XRN2: variants seen among roughly 807,000 people sequenced by gnomAD.
XRN2 encodes the protein 5'-3' exoribonuclease 2.
Under a neutral mutation model 138.5 loss-of-function variants are expected in XRN2, and 44 were observed. The observed-to-expected ratio is 0.32, with a 90% CI of 0.25 to 0.41. The LOEUF (loss-of-function observed/expected upper bound fraction) is 0.41, where lower values mean the gene tolerates loss of function less well. Ranked by LOEUF, XRN2 falls within the 10% of genes least tolerant of loss-of-function variation. The pLI is 1.00. For synonymous variants in XRN2, 354 were observed against 369.4 expected, an observed-to-expected ratio of 0.96 and a Z score of 0.48; for missense variants, 937 against 1,169.3, an observed-to-expected ratio of 0.80 and a Z score of 2.90.
In XRN2 at chr20:21,386,162, C is replaced by T. The variant is rs192669682; in HGVS notation, c.2649-706C>T. 1.8e-3 allele frequency among the ~76,000 whole-genome samples: 272 copies of T among 152,250 alleles called. 1 individual carries two copies. Among genetic ancestry groups the T allele is most frequent in the African/African-American group, 6.3e-3 (263 of 41,552 alleles). ...TTGAAGACAATTAAAACATTTCTTT[C>T]GACTAGTAATCTGCGACAGCAAACT... On this transcript the variant is annotated intron_variant, in intron 28 of 29. Coordinates refer to ENST00000377191, the MANE Select transcript of XRN2 (RefSeq NM_012255.5).
intron 24 of XRN2, among the ~76,000 whole-genome samples, chr20:21,361,022 A>G (rs887026889): frequency 1.3e-5 from 2 of 152,204 alleles, no homozygotes; most frequent in Admixed American, 6.5e-5. Context: ...GAAACTTGAT[A>G]TTTGGAGTTT....
At chr20:21,356,905 T>C (rs768462681) in intron 23 of XRN2, among the ~76,000 whole-genome samples, 10 of 152,192 alleles carry the variant, frequency 6.6e-5, no homozygotes, top group Non-Finnish European at 1.2e-4. Context: ...TAAAACTCTT[T>C]TCATAATGAT....
At chr20:21,350,182 G>C (rs2038487717) in intron 20 of XRN2, among the ~76,000 whole-genome samples, 1 of 152,118 alleles carries the variant, frequency 6.6e-6, no homozygotes, top group Admixed American at 6.6e-5. Context: ...ACTTTAAGGT[G>C]TGTTTACCAC....
In XRN2 at chr20:21,303,445, C is replaced by G; in HGVS notation, c.47C>G (p.Ser16Cys). 6.5e-7 allele frequency: 1 copy of G among 1,548,020 alleles called. No individual in the cohort carries two copies. Among genetic ancestry groups the G allele is most frequent in the Non-Finnish European group, 8.7e-7 (1 of 1,145,958 alleles). Residue 16 changes from serine to cysteine, a missense_variant, in exon 1 of 30, where the codon TCC becomes TGC. Physicochemically the swap from Ser to Cys is moderately radical, Grantham distance 112. Around this residue, in one of 6 missense-constraint regions of XRN2, gnomAD observed 32 missense variants for 32.9 expected, o/e 0.97. Transcript: ENST00000377191. ...CGCTGGCTCAGCCGCAAGTACCCGT[C>G]CATCATAGTCAACTGCGTGGAAGAG... ...FFRWLSRKYP[S>C]IIVNCVEEKP...
At chr20:21,342,981 CATT>C (rs1175462210) in intron 15 of XRN2, among the ~76,000 whole-genome samples, 1 of 151,870 alleles carries the variant, frequency 6.6e-6, no homozygotes, top group African/African-American at 2.4e-5. Flanking sequence ...ATAACATTGA[CATT>C]ATGTTTTTAA....
chr20:21,331,874 G>T, intron 8 of XRN2, 56 bp downstream of exon 8: 8 of 1,585,136 alleles, frequency 5.0e-6, no homozygotes, highest in Non-Finnish European at 6.9e-6. Context: ...CAAGTTGATG[G>T]GTTGGTGTGC....
At chr20:21,331,460 G>A (rs773488743) in intron 6 of XRN2, 101 bp from the exon 7 acceptor site, 54 of 962,586 alleles carry the variant, frequency 5.6e-5, no homozygotes, top group Admixed American at 2.2e-4. Flanking sequence ...AAATTTTCCC[G>A]TAACACTTAT....
intron 29 of XRN2, among the ~76,000 whole-genome samples, chr20:21,387,216 A>C (rs568061084): frequency 6.6e-6 from 1 of 152,292 alleles, no homozygotes; most frequent in African/African-American, 2.4e-5. Context: ...ATGCCAAAGA[A>C]TTTCTAACCC....
At chr20:21,365,915 A>T (rs1348686473) in intron 26 of XRN2, among the ~76,000 whole-genome samples, 3 of 89,570 alleles carry the variant, frequency 3.3e-5, no homozygotes, top group Non-Finnish European at 6.9e-5. Flanking sequence ...TAATATATAT[A>T]ATATAATATA....
chr20:21,370,074 G>C (rs2038744526), intron 27 of XRN2, among the ~76,000 whole-genome samples: 1 of 152,112 alleles, frequency 6.6e-6, no homozygotes, highest in Admixed American at 6.5e-5. Context: ...TTCTGCATAT[G>C]GATATCCAGT....
Position 21,346,478 on chromosome 20 carries a change from TGAGAAATTC to T in XRN2, c.1594_1602del (p.Glu532_Phe534del). 2 of 1,614,168 alleles carry T rather than the reference TGAGAAATTC, an allele frequency of 1.2e-6. No individual in the cohort carries two copies. Among genetic ancestry groups the T allele is most frequent in the Non-Finnish European group, 1.7e-6 (2 of 1,179,972 alleles). ...ACAAATTTGATGTGGATGCAGCTGA[TGAGAAATTC>T]CGTCGGAAAGTTGTGCAGTCGTACG... On this transcript the variant is annotated inframe_deletion, in exon 17 of 30. Coordinates refer to ENST00000377191, the MANE Select transcript of XRN2 (RefSeq NM_012255.5).
At chr20:21,379,665 G>A (rs1303001066) in intron 27 of XRN2, among the ~76,000 whole-genome samples, 1 of 152,172 alleles carries the variant, frequency 6.6e-6, no homozygotes, top group Non-Finnish European at 1.5e-5. Context: ...AATGTTTGCT[G>A]TTTTTTAAGA....
chr20:21,363,548 A>G (rs2038661486), intron 24 of XRN2, among the ~76,000 whole-genome samples: 2 of 152,220 alleles, frequency 1.3e-5, no homozygotes, highest in Non-Finnish European at 2.9e-5. Context: ...AGCTAAAGAC[A>G]GTTGTCAGTG....
intron 20 of XRN2, among the ~76,000 whole-genome samples, chr20:21,350,262 C>T (rs1020499105): frequency 3.9e-5 from 6 of 152,048 alleles, no homozygotes; most frequent in Admixed American, 2.0e-4. Context: ...CGCAGTGGCT[C>T]GCGCCTGTAA....
At chr20:21,387,515 A>ATT (rs2038948686) in intron 29 of XRN2, among the ~76,000 whole-genome samples, 1 of 152,162 alleles carries the variant, frequency 6.6e-6, no homozygotes. Flanking sequence ...TTTCTTCTCA[A>ATT]TGTAAGCAGC....
At chr20:21,338,044 T>C (rs2038319327) in intron 13 of XRN2, among the ~76,000 whole-genome samples, 1 of 152,304 alleles carries the variant, frequency 6.6e-6, no homozygotes, top group Middle Eastern at 3.4e-3. Flanking sequence ...GGCTCCACTT[T>C]AGAGCAGGAG....
intron 1 of XRN2, among the ~76,000 whole-genome samples, chr20:21,316,489 A>T (rs2037960967): frequency 6.6e-6 from 1 of 152,072 alleles, no homozygotes; most frequent in Non-Finnish European, 1.5e-5. Flanking sequence ...GTAATAGTCC[A>T]GCTTCACTTT....
At chr20:21,371,220 C>T (rs531621288) in intron 27 of XRN2, among the ~76,000 whole-genome samples, 40 of 152,154 alleles carry the variant, frequency 2.6e-4, no homozygotes, top group Middle Eastern at 3.2e-3. Context: ...AGTTACACAC[C>T]AGAAGTCCAG....
rs75021933 is a variant in XRN2, at chr20:21,368,500, A to G, written c.2494A>G (p.Ser832Gly). 4.3e-4 allele frequency: 701 copies of G among 1,614,084 alleles called. 2 individuals carry two copies. In the East Asian group the frequency reaches 7.9e-3, roughly 18 times the overall value. Residue 832 changes from serine (S) to glycine (G), a missense_variant, in exon 27 of 30, where the codon AGC becomes GGC. By Grantham distance (56) the Ser-to-Gly change is moderately conservative. Around this residue, in one of 6 missense-constraint regions of XRN2, gnomAD observed 372 missense variants for 414.4 expected, o/e 0.90. Coordinates refer to ENST00000377191, the MANE Select transcript of XRN2 (RefSeq NM_012255.5). ...MPRGSGTGIY[S>G]NAAPPPVTYQ... ...AAGAGGCTCAGGAACTGGCATTTACAGCAATGCTGCACCACCACCTGTGAC... is the reference window on the plus strand; with the variant it reads ...AAGAGGCTCAGGAACTGGCATTTACGGCAATGCTGCACCACCACCTGTGAC...
Sources: allele counts gnomAD v4.1 joint callset (sites outside exome capture counted in the v4.1 genomes callset), GRCh38; gene constraint gnomAD v4.1.1; regional missense constraint gnomAD v4.1.1; transcripts MANE v1.5; gene names NCBI Gene and HGNC (gene_info 2026-07-23, HGNC 2026-07-21).